Variants in CCDC186 observed in about 807,000 individuals in gnomAD.
The protein encoded by CCDC186 is coiled-coil domain-containing protein 186.
Under a neutral mutation model 113.7 loss-of-function variants are expected in CCDC186, and 49 were observed. That is an observed-to-expected ratio of 0.43 (90% confidence interval 0.34 to 0.55). The LOEUF (loss-of-function observed/expected upper bound fraction) is 0.55. CCDC186 is among the 20% of genes least tolerant of loss of function. The probability of loss-of-function intolerance (pLI) is 0.02; values close to 1 mark genes in which losing one functional copy is unlikely to be tolerated. For missense variants in CCDC186, 890 were observed against 1,011.1 expected (o/e 0.88, Z 1.62); for synonymous variants, 355 against 345.8 (o/e 1.03, Z -0.30).
rs1279830215 is a variant in CCDC186, at chr10:114,123,270, A to G, written c.*1873T>C. On this transcript the variant is annotated 3_prime_UTR_variant, in exon 16 of 16. Coordinates refer to ENST00000369287, the MANE Select transcript of CCDC186 (RefSeq NM_018017.4). ...AACAAGACACATTATGTTAAGACTA[A>G]TACTTTTTATAACTATTCTAAAAAT... 2 of 152,602 alleles carry G rather than the reference A, an allele frequency of 1.3e-5. No individual in the cohort carries two copies. Among genetic ancestry groups the G allele is most frequent in the African/African-American group, 2.4e-5 (1 of 41,464 alleles). The allele number at this position is 152,602 out of a possible 1,614,324, so 9.5% of individuals were successfully genotyped here. A position where few individuals can be genotyped will look rare whatever the true frequency, so the allele number is the denominator to read the frequency against.
rs1406983508 is a variant in CCDC186, at chr10:114,125,074, C to A, written c.*69G>T. ...TGAAACAAAAAGTGGAACAAAGTCTCCAACAATAGAGGTCAGTGGCACCTA... is the reference window on the plus strand; with the variant it reads ...TGAAACAAAAAGTGGAACAAAGTCTACAACAATAGAGGTCAGTGGCACCTA... On this transcript the variant is annotated 3_prime_UTR_variant, in exon 16 of 16. Coordinates refer to ENST00000369287, the MANE Select transcript of CCDC186 (RefSeq NM_018017.4). The A allele has an allele frequency of 3.5e-6, 4 of 1,127,362 alleles. No individual in the cohort carries two copies. The highest frequency in any genetic ancestry group is 3.2e-5 in the African/African-American group (2 of 62,660). The allele number at this position is 1,127,362 out of a possible 1,614,324, so 69.8% of individuals were successfully genotyped here. A position where few individuals can be genotyped will look rare whatever the true frequency, so the allele number is the denominator to read the frequency against.
chr10:114,166,825 A>G (rs551590349), intron 1 of CCDC186, among the ~76,000 whole-genome samples: 1 of 152,256 alleles, frequency 6.6e-6, no homozygotes, highest in African/African-American at 2.4e-5. Flanking sequence ...ATATTCATCT[A>G]GATTTAAAAA....
rs1218024203 is a variant in CCDC186 at position 114,164,110 on chromosome 10, A to AT, written c.-61-782dup. 1.5e-3 allele frequency among the ~76,000 whole-genome samples: 152 copies of AT among 103,374 alleles called. 9 individuals carry two copies. Among genetic ancestry groups the AT allele is most frequent in the African/African-American group, 1.7e-3 (44 of 25,908 alleles). The allele number at this position is 103,374 out of a possible 152,430, so 67.8% of individuals were successfully genotyped here. On this transcript the variant is annotated intron_variant, in intron 1 of 15. Transcript: ENST00000369287. ...TGTGTGTGTGTGTGTGTGTATATAT[A>AT]TATATTTTTTTTTTTTTTTTTTTTT... is the stretch of plus-strand genomic sequence containing the variant.
rs781063741 is a variant in CCDC186 at position 114,162,901 on chromosome 10, C to CTTAA, written c.364_367dup (p.Arg123IlefsTer11). ...AGCTGATTCTGGAAATGTAGATGAC[C>CTTAA]TTAATTCCACCAATATTTGTGTTAC... On this transcript the variant is annotated frameshift_variant, in exon 2 of 16. Transcript: ENST00000369287. LOFTEE classifies it high-confidence loss of function. The CTTAA allele has an allele frequency of 2.5e-6, 4 of 1,613,766 alleles. No individual in the cohort carries two copies. In the Admixed American group the frequency reaches 6.7e-5, roughly 27 times the overall value.
At chr10:114,173,890 A>G in intron 1 of CCDC186, 125 bp downstream of exon 1, 1 of 384,840 alleles carries the variant, frequency 2.6e-6, no homozygotes, top group South Asian at 1.8e-5. Context: ...CTCGACCTCG[A>G]CCTCCACCTC....
At chr10:114,165,228 C>A (rs1163794933) in intron 1 of CCDC186, among the ~76,000 whole-genome samples, 2 of 152,170 alleles carry the variant, frequency 1.3e-5, no homozygotes, top group Non-Finnish European at 2.9e-5. Context: ...ATTTTATAAC[C>A]AAGCCAAAGC....
intron 9 of CCDC186, among the ~76,000 whole-genome samples, chr10:114,135,587 A>G (rs560808285): frequency 7.2e-5 from 11 of 152,314 alleles, no homozygotes; most frequent in African/African-American, 2.6e-4. Context: ...AGGTCCAACT[A>G]TCTTTCCAAT....
At chr10:114,173,191 G>A (rs1190448157) in intron 1 of CCDC186, 1 of 455,950 alleles carries the variant, frequency 2.2e-6, no homozygotes, top group South Asian at 1.5e-5. Context: ...GATTTCCACA[G>A]GTAACAAGAT....
At chr10:114,145,880 TC>T in intron 4 of CCDC186, 119 bp from the exon 5 acceptor site, 1 of 887,270 alleles carries the variant, frequency 1.1e-6, no homozygotes, top group Non-Finnish European at 1.6e-6. Context: ...TGCACAACAT[TC>T]CCAGGACTTG....
chr10:114,135,755 C>A, intron 9 of CCDC186, 136 bp downstream of exon 9: 1 of 671,564 alleles, frequency 1.5e-6, no homozygotes, highest in South Asian at 2.1e-5. Flanking sequence ...GAAATTGCTC[C>A]TCTACTCTAC....
At chr10:114,147,354 C>T (rs1042512601) in intron 4 of CCDC186, among the ~76,000 whole-genome samples, 6 of 151,592 alleles carry the variant, frequency 4.0e-5, no homozygotes, top group African/African-American at 1.5e-4. Flanking sequence ...AAAATACTTA[C>T]ATCCCCTGGG....
intron 15 of CCDC186, 33 bp downstream of exon 15, chr10:114,125,853 A>T: frequency 6.4e-7 from 1 of 1,574,142 alleles, no homozygotes; most frequent in Non-Finnish European, 8.7e-7. Flanking sequence ...TGCCATGTTT[A>T]CTGGTTGGTG....
At position 114,131,380 on chromosome 10, in the gene CCDC186, G is replaced by T. The variant is rs774983690; in HGVS notation, c.1912-44C>A. 4.1e-6 allele frequency: 6 copies of T among 1,465,146 alleles called. No homozygotes were observed. The African/African-American group carries it at 8.7e-5, about 21-fold the overall frequency. 90.8% of individuals were successfully genotyped at this position (1,465,146 alleles called of 1,614,324 possible). A position where few individuals can be genotyped will look rare whatever the true frequency, so the allele number is the denominator to read the frequency against. ...AAAAACCACCAATTTTAGTATGTTT[G>T]TTTCCATTAATGCTCAGTTTATATA... On this transcript the variant is annotated intron_variant, in intron 11 of 15. Transcript: ENST00000369287.
chr10:114,132,260 C>A, intron 10 of CCDC186, 76 bp from the exon 11 acceptor site: 2 of 1,053,032 alleles, frequency 1.9e-6, no homozygotes, highest in Non-Finnish European at 2.6e-6. Flanking sequence ...GAATTTTCAT[C>A]TAGTCAAATG....
intron 4 of CCDC186, among the ~76,000 whole-genome samples, chr10:114,146,965 T>C (rs1039462662): frequency 6.6e-6 from 1 of 152,168 alleles, no homozygotes; most frequent in African/African-American, 2.4e-5. Context: ...AATCTCCCAA[T>C]TGGGATTTGT....
chr10:114,128,901 AAGAG>A (rs1371310220), intron 13 of CCDC186, among the ~76,000 whole-genome samples: 1 of 152,224 alleles, frequency 6.6e-6, no homozygotes, highest in Non-Finnish European at 1.5e-5. Context: ...TTAAAAGAAA[AAGAG>A]AGAGACCACT....
In CCDC186 at chr10:114,122,333, C is replaced by A. The variant is rs189820329; in HGVS notation, c.*2810G>T. On this transcript the variant is annotated 3_prime_UTR_variant, in exon 16 of 16. Coordinates refer to ENST00000369287, the MANE Select transcript of CCDC186 (RefSeq NM_018017.4). The stretch of plus-strand genomic sequence containing the variant: ...AAGATAGAAAGTAAAAACAAAAAAA[C>A]CCCATCAAAGTTCAAATTCATTCTT... 212 of 152,196 alleles carry A rather than the reference C, an allele frequency of 1.4e-3. 2 individuals are homozygous for A. The highest frequency in any genetic ancestry group is 4.7e-3 in the African/African-American group (193 of 41,500). 9.4% of individuals were successfully genotyped at this position (152,196 alleles called of 1,614,324 possible).
chr10:114,162,761 G>A lies in CCDC186; in HGVS notation c.508C>T (p.Leu170Phe). The change falls in exon 2 of 16, where the codon CTC becomes TTC. Residue 170 changes from leucine (L) to phenylalanine (F), a missense_variant. Physicochemically the swap from Leu to Phe is conservative, Grantham distance 22. Transcript: ENST00000369287. ...EDLLEEIESELLSTEFAEHRV... is the reference protein window; with the variant it reads ...EDLLEEIESEFLSTEFAEHRV... ...TGTTCTGCAAACTCCGTAGATAAGA[G>A]CTCAGATTCTATTTCTTCCAACAAA... 1 of 1,613,802 alleles carries A rather than the reference G, an allele frequency of 6.2e-7. No individual in the cohort carries two copies. Among genetic ancestry groups the A allele is most frequent in the Non-Finnish European group, 8.5e-7 (1 of 1,179,884 alleles).
At position 114,135,987 on chromosome 10, in the gene CCDC186, A is replaced by T; in HGVS notation, c.1426-10T>A. ...TTTTGGCATGATGCATCTTTAAAAA[A>T]GTTTAAAAGAAACAACAAATCATAA... is the stretch of plus-strand genomic sequence containing the variant. On this transcript the variant is annotated splice_polypyrimidine_tract_variant and intron_variant, in intron 8 of 15. Coordinates refer to ENST00000369287, the MANE Select transcript of CCDC186 (RefSeq NM_018017.4). 1 of 1,602,244 alleles carries T rather than the reference A, an allele frequency of 6.2e-7. No individual in the cohort carries two copies. Among genetic ancestry groups the T allele is most frequent in the Non-Finnish European group, 8.5e-7 (1 of 1,170,254 alleles).
Sources: allele counts gnomAD v4.1 joint callset (sites outside exome capture counted in the v4.1 genomes callset), GRCh38; gene constraint gnomAD v4.1.1; transcripts MANE v1.5; gene names NCBI Gene and HGNC (gene_info 2026-07-23, HGNC 2026-07-21).